Variants in TPH2 observed in about 807,000 individuals in gnomAD.
TPH2 encodes tryptophan 5-hydroxylase 2.
TPH2 carries 27 observed loss-of-function variants against 59.1 expected under a neutral mutation model. The ratio of observed to expected loss-of-function variants is 0.46; its 90% CI spans 0.34 to 0.63. The LOEUF is 0.63. Ranked by LOEUF, TPH2 falls within the 30% of genes least tolerant of loss-of-function variation. The pLI, the probability that TPH2 is intolerant of heterozygous loss-of-function variation, is 0.01. For missense variants in TPH2, 523 were observed against 588.3 expected (o/e 0.89, Z 1.15); for synonymous variants, 220 against 210.5 (o/e 1.05, Z -0.39).
At chr12:71,941,864 C>T (rs1294892021) in intron 2 of TPH2, 131 bp downstream of exon 2, 12 of 1,043,116 alleles carry the variant, frequency 1.2e-5, no homozygotes, top group East Asian at 4.9e-5. Flanking sequence ...AACCAAACTT[C>T]GTGAGGCTTT....
At chr12:72,005,102 T>G (rs1264849908) in intron 8 of TPH2, among the ~76,000 whole-genome samples, 1 of 152,166 alleles carries the variant, frequency 6.6e-6, no homozygotes, top group African/African-American at 2.4e-5. Context: ...AATTTCACAC[T>G]GGGGAAACGT....
chr12:71,946,175 G>C (rs1871192576), intron 4 of TPH2, among the ~76,000 whole-genome samples: 2 of 152,228 alleles, frequency 1.3e-5, no homozygotes, highest in South Asian at 4.1e-4. Context: ...GACCTCAAAG[G>C]GGTGTTTGAA....
In TPH2 at chr12:71,974,959, T is replaced by A. The variant is rs534102939; in HGVS notation, c.805+2244T>A. Among the ~76,000 whole-genome samples, 127 of 152,302 alleles carry A rather than the reference T, an allele frequency of 8.3e-4. 1 individual carries two copies. Among genetic ancestry groups the A allele is most frequent in the Middle Eastern group, 6.8e-3 (2 of 294 alleles). On this transcript the variant is annotated intron_variant, in intron 6 of 10. Coordinates refer to ENST00000333850, the MANE Select transcript of TPH2 (RefSeq NM_173353.4). ...CACTGGGACTGGCAAATTTTTTTTG[T>A]AAAAGGCCAGTTGGTAAATATTTTA... is the stretch of plus-strand genomic sequence containing the variant.
At chr12:72,014,605 G>A (rs1284333422) in intron 8 of TPH2, among the ~76,000 whole-genome samples, 4 of 151,978 alleles carry the variant, frequency 2.6e-5, no homozygotes, top group Non-Finnish European at 4.4e-5. Context: ...TGGCCAGGCT[G>A]GTCTCAAACT....
intron 8 of TPH2, among the ~76,000 whole-genome samples, chr12:72,000,047 C>T (rs1056358167): frequency 6.6e-5 from 10 of 152,170 alleles, no homozygotes; most frequent in African/African-American, 2.4e-5. Context: ...GTTACAAACA[C>T]GACTCTCATA....
At chr12:71,986,591 A>C (rs1159797360) in intron 7 of TPH2, among the ~76,000 whole-genome samples, 1 of 148,496 alleles carries the variant, frequency 6.7e-6, no homozygotes, top group African/African-American at 2.5e-5. Flanking sequence ...TGTTTTCTGT[A>C]GTGACTTGGG....
Position 71,979,097 on chromosome 12 carries a change from T to A in TPH2, c.941+10T>A. 4.3e-6 allele frequency: 7 copies of A among 1,614,090 alleles called. No individual in the cohort carries two copies. Among genetic ancestry groups the A allele is most frequent in the Non-Finnish European group, 5.1e-6 (6 of 1,179,990 alleles). ...TCTACACCCCAGAACCGTGAGTACC[T>A]ACATTAAAGCCCAGGCCACCACACC... On this transcript the variant is annotated intron_variant, in intron 7 of 10. Coordinates refer to ENST00000333850, the MANE Select transcript of TPH2 (RefSeq NM_173353.4).
intron 8 of TPH2, among the ~76,000 whole-genome samples, chr12:72,008,023 A>G (rs940794691): frequency 2.0e-5 from 3 of 152,180 alleles, no homozygotes; most frequent in African/African-American, 7.2e-5. Context: ...CAATTGTTAA[A>G]CACTAGTCCT....
At chr12:71,978,739 G>T (rs1872189583) in intron 6 of TPH2, among the ~76,000 whole-genome samples, 1 of 151,962 alleles carries the variant, frequency 6.6e-6, no homozygotes, top group Non-Finnish European at 1.5e-5. Flanking sequence ...TGAATGTTTT[G>T]TTCTCCTGGA....
At position 71,949,765 on chromosome 12, in the gene TPH2, A is replaced by G; in HGVS notation, c.608+110A>G. On this transcript the variant is annotated intron_variant, in intron 5 of 10. Transcript: ENST00000333850. ...TTAACTTTTGCAGAAAGCAGGTGTG[A>G]ACCATTTTAAACACTCACCAACTCT... 5 of 853,980 alleles carry G rather than the reference A, an allele frequency of 5.9e-6. No homozygotes were observed. In the South Asian group the frequency reaches 6.8e-5, roughly 12 times the overall value. The allele number at this position is 853,980 out of a possible 1,614,324, so 52.9% of individuals were successfully genotyped here. A position where few individuals can be genotyped will look rare whatever the true frequency, so the allele number is the denominator to read the frequency against.
intron 5 of TPH2, chr12:71,962,549 TG>T (rs1412883987): frequency 1.0e-6 from 1 of 985,146 alleles, no homozygotes; most frequent in East Asian, 1.1e-4. Flanking sequence ...CCAGAAAGTT[TG>T]TTACAATCCT....
chr12:72,008,102 G>A (rs755925899), intron 8 of TPH2, among the ~76,000 whole-genome samples: 1 of 152,152 alleles, frequency 6.6e-6, no homozygotes, highest in Non-Finnish European at 1.5e-5. Context: ...GCTTGTGAAG[G>A]CAAAGATAGA....
intron 4 of TPH2, among the ~76,000 whole-genome samples, chr12:71,948,070 G>A (rs1487793953): frequency 6.6e-6 from 1 of 152,148 alleles, no homozygotes; most frequent in African/African-American, 2.4e-5. Context: ...GTTGAAACAA[G>A]TACTTTCTAG....
intron 5 of TPH2, chr12:71,961,847 T>G: frequency 1.7e-6 from 2 of 1,162,964 alleles, no homozygotes; most frequent in South Asian, 1.8e-5. Flanking sequence ...TTGTTCTCCC[T>G]GAGGCTCCTT....
intron 6 of TPH2, 36 bp downstream of exon 6, chr12:71,972,751 T>TTGAGGATATTGACTA: frequency 6.3e-7 from 1 of 1,594,530 alleles, no homozygotes; most frequent in Non-Finnish European, 8.6e-7. Flanking sequence ...TATTAGTCAA[T>TTGAGGATATTGACTA]ATCCTCAATT....
At chr12:71,976,113 C>T (rs1872110978) in intron 6 of TPH2, among the ~76,000 whole-genome samples, 1 of 152,162 alleles carries the variant, frequency 6.6e-6, no homozygotes, top group African/African-American at 2.4e-5. Flanking sequence ...AGCTATGTGA[C>T]CTTAGAAGAG....
intron 8 of TPH2, among the ~76,000 whole-genome samples, chr12:72,017,313 C>A (rs1010621520): frequency 3.9e-5 from 6 of 152,086 alleles, no homozygotes; most frequent in African/African-American, 1.2e-4. Flanking sequence ...CAGCTCGGGT[C>A]GACAGCGTGT....
chr12:71,994,971 C>T (rs1592403014), intron 8 of TPH2, among the ~76,000 whole-genome samples: 1 of 99,872 alleles, frequency 1.0e-5, no homozygotes, highest in African/African-American at 2.8e-5. Context: ...AGCCTGTGTG[C>T]TGTGGTTTGC....
chr12:71,948,536 G>C (rs1027382476), intron 4 of TPH2, among the ~76,000 whole-genome samples: 1 of 152,188 alleles, frequency 6.6e-6, no homozygotes, highest in African/African-American at 2.4e-5. Flanking sequence ...ATTTGCTAAT[G>C]AGTTTGAGGC....
Sources: gnomAD v4.1 joint callset for allele counts (sites outside exome capture counted in the v4.1 genomes callset) on GRCh38, gnomAD v4.1.1 for gene constraint, MANE v1.5 for transcripts, NCBI Gene and HGNC (gene_info 2026-07-23, HGNC 2026-07-21) for gene names.